The following SLC2A13 variants were observed in gnomAD, a reference collection of about 807,000 sequenced individuals.
The protein encoded by SLC2A13 is proton myo-inositol cotransporter.
In SLC2A13, 32 loss-of-function variants were observed where a neutral mutation model predicts 64.4. That is an observed-to-expected ratio of 0.50 (90% CI 0.37 to 0.67). The LOEUF is 0.67. Ranked by LOEUF, SLC2A13 falls within the 30% of genes least tolerant of loss-of-function variation. The pLI is 0.00. For missense variants in SLC2A13, 743 were observed against 829.2 expected, an observed-to-expected ratio of 0.90 and a Z score of 1.28; for synonymous variants, 338 against 327.1, an observed-to-expected ratio of 1.03 and a Z score of -0.36.
At chr12:39,809,068 T>C (rs1942063851) in intron 7 of SLC2A13, among the ~76,000 whole-genome samples, 1 of 152,100 alleles carries the variant, frequency 6.6e-6, no homozygotes, top group South Asian at 2.1e-4. Flanking sequence ...ATGATGTATA[T>C]TGAGCTTTTT....
chr12:39,819,642 A>C (rs1173352979), intron 7 of SLC2A13: 1 of 152,176 alleles, frequency 6.6e-6, no homozygotes, highest in Non-Finnish European at 1.5e-5. Flanking sequence ...AGGAACATTC[A>C]TTTCTTTAAA....
Position 39,759,696 on chromosome 12 carries a change from A to C in SLC2A13, c.*330T>G. On this transcript the variant is annotated 3_prime_UTR_variant, in exon 10 of 10. Transcript: ENST00000280871. Reference sequence around the variant, plus strand: ...GATTAGCACTGACTCTGTTGCCACTAATAATTATAAATGGTCTTAGGAAAA... The same window carrying C: ...GATTAGCACTGACTCTGTTGCCACTCATAATTATAAATGGTCTTAGGAAAA... 1 of 232,482 alleles carries C rather than the reference A, an allele frequency of 4.3e-6. No homozygotes were observed. Among genetic ancestry groups the C allele is most frequent in the Non-Finnish European group, 8.4e-6 (1 of 119,044 alleles). 14.4% of individuals were successfully genotyped at this position (232,482 alleles called of 1,614,324 possible).
chr12:39,949,857 A>G (rs1946198817), intron 4 of SLC2A13: 1 of 151,620 alleles, frequency 6.6e-6, no homozygotes, highest in African/African-American at 2.4e-5. Context: ...CTGCAATTCT[A>G]TACTTCCACC....
intron 4 of SLC2A13, among the ~76,000 whole-genome samples, chr12:39,935,485 C>A (rs905199082): frequency 2.0e-5 from 3 of 152,118 alleles, no homozygotes; most frequent in African/African-American, 4.8e-5. Flanking sequence ...TGCTATGACT[C>A]TGGATATGAA....
intron 3 of SLC2A13, among the ~76,000 whole-genome samples, chr12:40,000,959 C>G (rs373501518): frequency 6.6e-6 from 1 of 152,206 alleles, no homozygotes. Flanking sequence ...GTGCCACACA[C>G]AGGCTGCAAT....
At chr12:39,909,443 G>A (rs1945371851) in intron 4 of SLC2A13, among the ~76,000 whole-genome samples, 1 of 152,002 alleles carries the variant, frequency 6.6e-6, no homozygotes, top group Non-Finnish European at 1.5e-5. Flanking sequence ...GGTGCTCTTT[G>A]TTTTGCCTAC....
chr12:39,782,300 G>T (rs774836674), intron 7 of SLC2A13, among the ~76,000 whole-genome samples: 20 of 152,060 alleles, frequency 1.3e-4, no homozygotes, highest in South Asian at 2.1e-4. Context: ...GAATTCCTAC[G>T]TGTTGTGGAA....
At position 39,920,774 on chromosome 12, in the gene SLC2A13, C is replaced by A. The variant is rs144924878; in HGVS notation, c.1034+30483G>T. The stretch of plus-strand genomic sequence containing the variant: ...AGGTATTGTGAGGATTAAATACGTC[C>A]ATCTGTGCATAGCATTCCGATGCAT... On this transcript the variant is annotated intron_variant, in intron 4 of 9. Coordinates refer to ENST00000280871, the MANE Select transcript of SLC2A13 (RefSeq NM_052885.4). Among the ~76,000 whole-genome samples the A allele has an allele frequency of 5.3e-3, 814 of 152,182 alleles. 6 individuals are homozygous for A. The highest frequency in any genetic ancestry group is 7.5e-3 in the Non-Finnish European group (507 of 67,998).
At chr12:39,920,101 C>A (rs753964333) in intron 4 of SLC2A13, among the ~76,000 whole-genome samples, 3 of 152,030 alleles carry the variant, frequency 2.0e-5, no homozygotes, top group Non-Finnish European at 4.4e-5. Flanking sequence ...TTCTTACATG[C>A]CTCATCATTC....
At chr12:39,966,842 C>T (rs12311976) in intron 3 of SLC2A13, among the ~76,000 whole-genome samples, 2,397 of 152,208 alleles carry the variant, frequency 0.016, 57 homozygotes, top group African/African-American at 0.053. Context: ...TGGCATTTTG[C>T]TTTTAACTTG....
intron 7 of SLC2A13, among the ~76,000 whole-genome samples, chr12:39,781,604 A>G (rs1940986912): frequency 6.6e-6 from 1 of 152,248 alleles, no homozygotes; most frequent in African/African-American, 2.4e-5. Flanking sequence ...TAAGGAGAGA[A>G]TGAATAAGTC....
At chr12:39,826,511 C>G (rs1036706428) in intron 7 of SLC2A13, among the ~76,000 whole-genome samples, 3 of 149,660 alleles carry the variant, frequency 2.0e-5, no homozygotes, top group African/African-American at 7.4e-5. Context: ...ATTTCTCCCT[C>G]TAACAGTTCA....
At chr12:39,953,870 T>G (rs910011179) in intron 3 of SLC2A13, among the ~76,000 whole-genome samples, 3 of 152,146 alleles carry the variant, frequency 2.0e-5, no homozygotes, top group African/African-American at 7.2e-5. Context: ...TGGCAGAGGC[T>G]CCAGCAGCAG....
At chr12:39,773,314 T>G (rs1940652868) in intron 7 of SLC2A13, among the ~76,000 whole-genome samples, 1 of 152,166 alleles carries the variant, frequency 6.6e-6, no homozygotes. Context: ...GTGAGAGAAC[T>G]AATCCTTACC....
At chr12:39,957,897 C>T (rs1946344422) in intron 3 of SLC2A13, among the ~76,000 whole-genome samples, 1 of 152,082 alleles carries the variant, frequency 6.6e-6, no homozygotes, top group South Asian at 2.1e-4. Context: ...GCTCATAATA[C>T]CAGGATGGGG....
chr12:39,842,162 A>T (rs2135876136), intron 6 of SLC2A13, among the ~76,000 whole-genome samples: 1 of 152,198 alleles, frequency 6.6e-6, no homozygotes, highest in African/African-American at 2.4e-5. Context: ...CAGGAAGTTT[A>T]TTTAAAGGAA....
At chr12:40,072,880 A>G (rs1420498950) in intron 1 of SLC2A13, among the ~76,000 whole-genome samples, 2 of 152,086 alleles carry the variant, frequency 1.3e-5, no homozygotes, top group Admixed American at 1.3e-4. Context: ...TGACAATTAG[A>G]TCAAAGTCTA....
chr12:39,867,174 T>C (rs1279670346), intron 5 of SLC2A13, among the ~76,000 whole-genome samples: 1 of 152,228 alleles, frequency 6.6e-6, no homozygotes, highest in African/African-American at 2.4e-5. Context: ...TCTGAGTCCC[T>C]ATTTTCCCAA....
At chr12:39,890,054 C>T (rs576810090) in intron 4 of SLC2A13, among the ~76,000 whole-genome samples, 1 of 152,088 alleles carries the variant, frequency 6.6e-6, no homozygotes, top group African/African-American at 2.4e-5. Flanking sequence ...GGGTAGAAAC[C>T]CGATAATCTG....
Sources: gnomAD v4.1 joint callset for allele counts (sites outside exome capture counted in the v4.1 genomes callset) on GRCh38, gnomAD v4.1.1 for gene constraint, MANE v1.5 for transcripts, NCBI Gene and HGNC (gene_info 2026-07-23, HGNC 2026-07-21) for gene names.